SPAG16: variants seen among roughly 807,000 people sequenced by gnomAD.
SPAG16 encodes sperm associated antigen 16, also known as sperm-associated antigen 16 protein.
A neutral mutation model predicts 80.4 loss-of-function variants in SPAG16; 86 were observed. The ratio of observed to expected loss-of-function variants is 1.07; its 90% CI spans 0.90 to 1.28. The LOEUF (loss-of-function observed/expected upper bound fraction) is 1.28, where lower values mean the gene tolerates loss of function less well. Among genes scored for constraint, SPAG16 ranks in the 50% most tolerant of loss-of-function variants. The probability of loss-of-function intolerance (pLI) is 0.00; values close to 1 mark genes in which losing one functional copy is unlikely to be tolerated. For synonymous variants in SPAG16, 294 were observed against 265.9 expected (o/e 1.11, Z -1.03); for missense variants, 870 against 765.3 (o/e 1.14, Z -1.61).
Position 213,317,260 on chromosome 2 carries a change from T to C in SPAG16, c.440T>C (p.Val147Ala), listed in dbSNP as rs370926940. Residue 147 changes from valine (V) to alanine (A), a missense_variant, in exon 5 of 16, where the codon GTT becomes GCT. Physicochemically the swap from Val to Ala is moderately conservative, Grantham distance 64. Coordinates refer to ENST00000331683, the MANE Select transcript of SPAG16 (RefSeq NM_024532.5). ...IQKGVTELRTVGNVPDVYTQI... is the reference protein window; with the variant it reads ...IQKGVTELRTAGNVPDVYTQI... ...AAAGGAGTGACTGAACTTAGAACTG[T>C]TGGGAATGTTCCAGATGTCTACACC... 2 of 1,609,438 alleles carry C rather than the reference T, an allele frequency of 1.2e-6. No homozygotes were observed. Among genetic ancestry groups the C allele is most frequent in the East Asian group, 2.2e-5 (1 of 44,722 alleles).
At chr2:213,627,850 C>T (rs997882777) in intron 10 of SPAG16, among the ~76,000 whole-genome samples, 2 of 152,186 alleles carry the variant, frequency 1.3e-5, no homozygotes, top group African/African-American at 4.8e-5. Flanking sequence ...GTCTTTGGTC[C>T]AGCTATCATA....
intron 15 of SPAG16, among the ~76,000 whole-genome samples, chr2:214,405,086 GC>G (rs758741441): frequency 3.3e-5 from 5 of 151,958 alleles, no homozygotes; most frequent in Non-Finnish European, 5.9e-5. Flanking sequence ...TCATAAAGAG[GC>G]CCCAAAGTGT....
chr2:214,089,618 C>G (rs1418545875), intron 13 of SPAG16, among the ~76,000 whole-genome samples: 1 of 151,958 alleles, frequency 6.6e-6, no homozygotes, highest in Non-Finnish European at 1.5e-5. Flanking sequence ...AACCTATATT[C>G]CAAGTCCAGA....
At chr2:214,001,518 T>C (rs2046787532) in intron 12 of SPAG16, among the ~76,000 whole-genome samples, 1 of 152,226 alleles carries the variant, frequency 6.6e-6, no homozygotes. Flanking sequence ...AAGGCACAGA[T>C]TGTAAAGTAT....
intron 5 of SPAG16, among the ~76,000 whole-genome samples, chr2:213,329,522 C>T (rs560448423): frequency 3.3e-4 from 50 of 152,242 alleles, no homozygotes; most frequent in African/African-American, 1.1e-3. Context: ...AGGTTATTAT[C>T]TGGTGGAAGA....
chr2:214,346,257 G>A (rs890091976), intron 15 of SPAG16, among the ~76,000 whole-genome samples: 16 of 151,636 alleles, frequency 1.1e-4, no homozygotes, highest in African/African-American at 3.2e-4. Flanking sequence ...ATGTTCATTT[G>A]TAAATTCTAA....
chr2:213,430,669 T>C (rs1459439210), intron 9 of SPAG16, among the ~76,000 whole-genome samples: 1 of 152,154 alleles, frequency 6.6e-6, no homozygotes, highest in Admixed American at 6.6e-5. Context: ...AAGGAAGTAA[T>C]TGATGAAAAC....
intron 10 of SPAG16, among the ~76,000 whole-genome samples, chr2:213,686,343 C>T (rs990475103): frequency 2.0e-5 from 3 of 152,152 alleles, no homozygotes; most frequent in Non-Finnish European, 2.9e-5. Flanking sequence ...GATCCAATCT[C>T]CTGACTTTGT....
intron 10 of SPAG16, among the ~76,000 whole-genome samples, chr2:213,494,572 C>T (rs1391333095): frequency 2.0e-5 from 3 of 152,146 alleles, no homozygotes; most frequent in Non-Finnish European, 4.4e-5. Context: ...TTACTGTGGT[C>T]ATTTCTCATA....
At chr2:214,142,787 C>A (rs1292263618) in intron 14 of SPAG16, among the ~76,000 whole-genome samples, 1 of 152,096 alleles carries the variant, frequency 6.6e-6, no homozygotes, top group Non-Finnish European at 1.5e-5. Context: ...CAACTTTTGT[C>A]AGCTTCATTT....
At chr2:214,386,059 C>T (rs1700731240) in intron 15 of SPAG16, among the ~76,000 whole-genome samples, 1 of 151,858 alleles carries the variant, frequency 6.6e-6, no homozygotes, top group South Asian at 2.1e-4. Flanking sequence ...TTATAATAAC[C>T]ACCTCATAAA....
At chr2:213,294,000 T>TA (rs1420006262) in intron 1 of SPAG16, among the ~76,000 whole-genome samples, 1 of 152,226 alleles carries the variant, frequency 6.6e-6, no homozygotes, top group African/African-American at 2.4e-5. Context: ...TAGCCATAGT[T>TA]ACTGTGCTAT....
Position 213,986,045 on chromosome 2 carries a change from A to G in SPAG16, c.1401-27906A>G, listed in dbSNP as rs186608087. 5.3e-5 allele frequency among the ~76,000 whole-genome samples: 8 copies of G among 152,220 alleles called. No individual in the cohort carries two copies. The East Asian group carries it at 1.5e-3, about 29-fold the overall frequency. On this transcript the variant is annotated intron_variant, in intron 12 of 15. Coordinates refer to ENST00000331683, the MANE Select transcript of SPAG16 (RefSeq NM_024532.5). ...TGCACTCGATATGTAAATTAACCCA[A>G]TGATTAATACAAAGCAGGGAGTAGT...
intron 15 of SPAG16, among the ~76,000 whole-genome samples, chr2:214,327,741 G>C (rs965283543): frequency 6.6e-6 from 1 of 151,206 alleles, no homozygotes; most frequent in Non-Finnish European, 1.5e-5. Context: ...GACTTTCAAA[G>C]GACTACCATT....
At chr2:214,260,357 AT>A (rs533601945) in intron 15 of SPAG16, among the ~76,000 whole-genome samples, 2,189 of 146,948 alleles carry the variant, frequency 0.015, 41 homozygotes, top group African/African-American at 0.048. Context: ...AGAATATCTA[AT>A]TTTTTTTTTT....
At chr2:213,927,835 A>G (rs2106235279) in intron 11 of SPAG16, among the ~76,000 whole-genome samples, 1 of 152,348 alleles carries the variant, frequency 6.6e-6, no homozygotes, top group Non-Finnish European at 1.5e-5. Flanking sequence ...TTTGGTCCAT[A>G]ATAACATGAT....
intron 11 of SPAG16, among the ~76,000 whole-genome samples, chr2:213,912,592 G>T (rs961216933): frequency 3.9e-5 from 6 of 152,166 alleles, no homozygotes; most frequent in Admixed American, 3.3e-4. Flanking sequence ...TTGGCCAGTG[G>T]ATATTAACCA....
chr2:214,069,215 G>T (rs916350823), intron 13 of SPAG16, among the ~76,000 whole-genome samples: 1 of 152,112 alleles, frequency 6.6e-6, no homozygotes, highest in Admixed American at 6.6e-5. Context: ...TAATCATTCC[G>T]ATACGTGTAT....
chr2:213,364,140 T>C lies in SPAG16; in HGVS notation c.827T>C (p.Ile276Thr). 1 of 1,510,256 alleles carries C rather than the reference T, an allele frequency of 6.6e-7. No homozygotes were observed. The highest frequency in any genetic ancestry group is 8.9e-7 in the Non-Finnish European group (1 of 1,128,974). The allele number at this position is 1,510,256 out of a possible 1,614,324, so 93.6% of individuals were successfully genotyped here. A position where few individuals can be genotyped will look rare whatever the true frequency, so the allele number is the denominator to read the frequency against. ...GGACATAGTTACCATGGTCCTCAAATTAAAGGTAAATGTAAAATGTGATGA... is the reference window on the plus strand; with the variant it reads ...GGACATAGTTACCATGGTCCTCAAACTAAAGGTAAATGTAAAATGTGATGA... ...QRGHSYHGPQ[I>T]KVDHSREKEN... is the part of the protein sequence containing the mutation. Residue 276 changes from isoleucine to threonine, a missense_variant, in exon 8 of 16, where the codon ATT becomes ACT. Transcript: ENST00000331683.
Sources: gnomAD v4.1 joint callset for allele counts (sites outside exome capture counted in the v4.1 genomes callset) on GRCh38, gnomAD v4.1.1 for gene constraint, MANE v1.5 for transcripts, NCBI Gene and HGNC (gene_info 2026-07-23, HGNC 2026-07-21) for gene names.